Variants in MYO7B observed in about 807,000 individuals in gnomAD.
The protein encoded by MYO7B is myosin VIIB, also known as unconventional myosin-VIIb.
A neutral mutation model predicts 259.7 loss-of-function variants in MYO7B; 212 were observed. The ratio of observed to expected loss-of-function variants is 0.82; its 90% CI spans 0.73 to 0.91. The LOEUF is 0.91. Ranked by LOEUF, MYO7B falls within the 40% of genes least tolerant of loss-of-function variation. The pLI is 0.00. For missense variants in MYO7B, 2,732 were observed against 2,813.5 expected (o/e 0.97, Z 0.66); for synonymous variants, 1,197 against 1,166.4 (o/e 1.03, Z -0.54).
chr2:127,615,250 G>A lies in MYO7B; in HGVS notation c.3398+2647G>A, dbSNP rs543997222. Among the ~76,000 whole-genome samples, 3 of 152,330 alleles carry A rather than the reference G, an allele frequency of 2.0e-5. No individual in the cohort carries two copies. Among genetic ancestry groups the A allele is most frequent in the African/African-American group, 7.2e-5 (3 of 41,578 alleles). On this transcript the variant is annotated intron_variant, in intron 26 of 47. Coordinates refer to ENST00000409816, the MANE Select transcript of MYO7B (RefSeq NM_001393586.1). The surrounding 1 kb of genome is among the most constrained non-coding windows in gnomAD (Gnocchi z 4.4). Reference sequence around the variant, plus strand: ...GGGGTGTTTGCCAGACAGAGGGAAAGGGTAGACGGGTCACCCGTGACAGAC... The same window carrying A: ...GGGGTGTTTGCCAGACAGAGGGAAAAGGTAGACGGGTCACCCGTGACAGAC...
intron 5 of MYO7B, among the ~76,000 whole-genome samples, chr2:127,567,832 G>A (rs144489616): frequency 1.8e-3 from 270 of 152,284 alleles, no homozygotes; most frequent in African/African-American, 6.3e-3. Context: ...CAACAAATAA[G>A]TGCGTTTTTA....
intron 1 of MYO7B, among the ~76,000 whole-genome samples, chr2:127,556,432 A>T (rs748347938): frequency 6.6e-6 from 1 of 152,158 alleles, no homozygotes; most frequent in Non-Finnish European, 1.5e-5. Context: ...TCCATTCATT[A>T]TGCTATTTGT....
chr2:127,556,904 C>A (rs1558797219), intron 1 of MYO7B, among the ~76,000 whole-genome samples: 1 of 152,012 alleles, frequency 6.6e-6, no homozygotes, highest in Non-Finnish European at 1.5e-5. Context: ...CCCAGGTGTT[C>A]TTTCTTGTAT....
chr2:127,620,133 C>T (rs1680769854), intron 26 of MYO7B: 1 of 449,740 alleles, frequency 2.2e-6, no homozygotes, highest in Non-Finnish European at 3.8e-6. Flanking sequence ...ACCGAGAGCA[C>T]AGGCCATGGG....
intron 7 of MYO7B, among the ~76,000 whole-genome samples, chr2:127,574,943 C>A (rs1036656621): frequency 6.6e-6 from 1 of 152,184 alleles, no homozygotes; most frequent in Non-Finnish European, 1.5e-5. Flanking sequence ...AATTAATGCA[C>A]CTGTGTGTGT....
In MYO7B at chr2:127,631,369, C is replaced by T; in HGVS notation, c.5095+6C>T. On this transcript the variant is annotated splice_donor_region_variant and intron_variant, in intron 37 of 47. Coordinates refer to ENST00000409816, the MANE Select transcript of MYO7B (RefSeq NM_001393586.1). ...CGCCTGCCAGATCTTTGTCGATATCCTTCCCCACCAGCCTGCCTGCACCTC... is the reference window on the plus strand; with the variant it reads ...CGCCTGCCAGATCTTTGTCGATATCTTTCCCCACCAGCCTGCCTGCACCTC... 6.2e-7 allele frequency: 1 copy of T among 1,601,326 alleles called. No individual in the cohort carries two copies. The highest frequency in any genetic ancestry group is 8.5e-7 in the Non-Finnish European group (1 of 1,170,948).
Position 127,632,267 on chromosome 2 carries a change from G to C in MYO7B, c.5271G>C (p.Trp1757Cys), listed in dbSNP as rs929744981. ...NSNRHSEERG[W>C]QLLWLCTGLF... ...TCAGGCACAGCGAAGAGCGGGGCTGGCAGCTGCTGTGGCTGTGCACGGGCC... is the reference window on the plus strand; with the variant it reads ...TCAGGCACAGCGAAGAGCGGGGCTGCCAGCTGCTGTGGCTGTGCACGGGCC... The change falls in exon 39 of 48, where the codon TGG (tryptophan) becomes TGC (cysteine). Residue 1757 changes from tryptophan (W) to cysteine (C), a missense_variant. Trp to Cys is a radical substitution (Grantham distance 215). This residue lies in a region of MYO7B where 821 missense variants were observed against 769.3 expected (regional missense o/e 1.07). Transcript: ENST00000409816. 1.2e-5 allele frequency: 20 copies of C among 1,611,890 alleles called. No individual in the cohort carries two copies. The highest frequency in any genetic ancestry group is 2.2e-5 in the East Asian group (1 of 44,872).
intron 26 of MYO7B, among the ~76,000 whole-genome samples, chr2:127,617,497 T>TGG (rs1407080326): frequency 1.5e-5 from 2 of 129,676 alleles, no homozygotes; most frequent in African/African-American, 6.1e-5. Flanking sequence ...GTTTTTTTTT[T>TGG]TTTTTTTTTT....
At chr2:127,553,106 C>T (rs78918162) in intron 1 of MYO7B, among the ~76,000 whole-genome samples, 2,099 of 152,330 alleles carry the variant, frequency 0.014, 55 homozygotes, top group African/African-American at 0.048. Context: ...AAGTCACATC[C>T]TCTCCAAGGG....
Position 127,592,896 on chromosome 2 carries a change from G to A in MYO7B, c.2095G>A (p.Glu699Lys), listed in dbSNP as rs1679620606. 6.2e-7 allele frequency: 1 copy of A among 1,608,058 alleles called. No homozygotes were observed. Among genetic ancestry groups the A allele is most frequent in the African/African-American group, 1.3e-5 (1 of 74,832 alleles). ...SGFPIRYTFE[E>K]FSQRFGVLLP... ...CTTCCCCATCCGCTACACGTTCGAG[G>A]AGTTCTCGCAGAGGTTCGGCGTGTT... Residue 699 changes from glutamate (E) to lysine (K), a missense_variant, in exon 17 of 48, where the codon GAG (glutamate) becomes AAG (lysine). Glu to Lys is a moderately conservative substitution (Grantham distance 56). Coordinates refer to ENST00000409816, the MANE Select transcript of MYO7B (RefSeq NM_001393586.1).
At position 127,631,596 on chromosome 2, in the gene MYO7B, A is replaced by C; in HGVS notation, c.5096-4A>C. ...CCCAGCACTGTGCTCCTTGACAGCC[A>C]CACCCATCCTCCGGTACATGGGCGA... is the stretch of plus-strand genomic sequence containing the variant. On this transcript the variant is annotated splice_polypyrimidine_tract_variant and splice_region_variant and intron_variant, in intron 37 of 47. Transcript: ENST00000409816. The C allele has an allele frequency of 6.2e-7, 1 of 1,612,786 alleles. No homozygotes were observed. The highest frequency in any genetic ancestry group is 8.5e-7 in the Non-Finnish European group (1 of 1,179,692).
In MYO7B at chr2:127,628,133, G is replaced by A. The variant is rs1361868826; in HGVS notation, c.4461-239G>A. 1 of 663,936 alleles carries A rather than the reference G, an allele frequency of 1.5e-6. No homozygotes were observed. The highest frequency in any genetic ancestry group is 2.8e-6 in the Non-Finnish European group (1 of 361,552). 41.1% of individuals were successfully genotyped at this position (663,936 alleles called of 1,614,324 possible). A position where few individuals can be genotyped will look rare whatever the true frequency, so the allele number is the denominator to read the frequency against. On this transcript the variant is annotated intron_variant, in intron 33 of 47. Transcript: ENST00000409816. The surrounding 1 kb of genome is among the most constrained non-coding windows in gnomAD (Gnocchi z 4.8). Reference sequence around the variant, plus strand: ...CTGCACACCAGCCACCTCATTATCTGCCCACAGCCAACCCCACACATGGGC... The same window carrying A: ...CTGCACACCAGCCACCTCATTATCTACCCACAGCCAACCCCACACATGGGC...
intron 1 of MYO7B, among the ~76,000 whole-genome samples, chr2:127,541,057 A>T (rs556662147): frequency 6.6e-6 from 1 of 152,308 alleles, no homozygotes; most frequent in African/African-American, 2.4e-5. Context: ...GAATGACATC[A>T]TCTCCAGGCT....
intron 27 of MYO7B, 91 bp from the exon 28 acceptor site, chr2:127,621,887 CTGAG>C: frequency 6.6e-7 from 1 of 1,507,486 alleles, no homozygotes; most frequent in Non-Finnish European, 9.0e-7. Context: ...ACATTATACA[CTGAG>C]TATTATAATT....
In MYO7B at chr2:127,586,995, A is replaced by T. The variant is rs1679329396; in HGVS notation, c.1691-1397A>T. Among the ~76,000 whole-genome samples, 1 of 152,104 alleles carries T rather than the reference A, an allele frequency of 6.6e-6. No homozygotes were observed. Among genetic ancestry groups the T allele is most frequent in the Non-Finnish European group, 1.5e-5 (1 of 68,010 alleles). ...TGCTGCTCCCCTCACAGACACCTGC[A>T]GGAAGAGGTGGGAAACAGACTCCCT... On this transcript the variant is annotated intron_variant, in intron 14 of 47. Coordinates refer to ENST00000409816, the MANE Select transcript of MYO7B (RefSeq NM_001393586.1). The surrounding 1 kb of genome is among the most constrained non-coding windows in gnomAD (Gnocchi z 4.8).
Position 127,613,686 on chromosome 2 carries a change from G to A in MYO7B, c.3398+1083G>A, listed in dbSNP as rs1023989687. 3.9e-5 allele frequency among the ~76,000 whole-genome samples: 6 copies of A among 152,160 alleles called. No individual in the cohort carries two copies. Among genetic ancestry groups the A allele is most frequent in the South Asian group, 2.1e-4 (1 of 4,830 alleles). On this transcript the variant is annotated intron_variant, in intron 26 of 47. Coordinates refer to ENST00000409816, the MANE Select transcript of MYO7B (RefSeq NM_001393586.1). The surrounding 1 kb of genome is among the most constrained non-coding windows in gnomAD (Gnocchi z 4.3). Reference sequence around the variant, plus strand: ...GTATCCTGGACATTGAGGATGATACGTTAGAGACTCTGGATTCTGTTATAC... The same window carrying A: ...GTATCCTGGACATTGAGGATGATACATTAGAGACTCTGGATTCTGTTATAC...
At position 127,590,110 on chromosome 2, in the gene MYO7B, C is replaced by T. The variant is rs763019482; in HGVS notation, c.1873C>T (p.Arg625Trp). The T allele has an allele frequency of 4.2e-5, 66 of 1,589,370 alleles. No individual in the cohort carries two copies. Among genetic ancestry groups the T allele is most frequent in the South Asian group, 2.9e-4 (25 of 86,998 alleles). ...HLFKSADSNK[R>W]PSTLGSQFKQ... ...TTCACAGTCTGCAGACTCAAATAAA[C>T]GGCCCTCCACCTTAGGAAGCCAGTT... is the stretch of plus-strand genomic sequence containing the variant. Residue 625 changes from arginine to tryptophan, a missense_variant, in exon 16 of 48, where the codon CGG (arginine) becomes TGG (tryptophan). Physicochemically the swap from Arg to Trp is moderately radical, Grantham distance 101. Around this residue, in one of 3 missense-constraint regions of MYO7B, gnomAD observed 1,906 missense variants for 2,026.4 expected, o/e 0.94. Transcript: ENST00000409816. The surrounding 1 kb of genome is among the most constrained non-coding windows in gnomAD (Gnocchi z 4.6).
At position 127,535,973 on chromosome 2, in the gene MYO7B, C is replaced by G. The variant is rs75466455; in HGVS notation, c.-24+142C>G. ...AGAGAGTGGAGAAGCCCTTCAGGAG[C>G]CTGGAAACCAGAAACCGCAGCAGGG... On this transcript the variant is annotated intron_variant, in intron 1 of 47. Coordinates refer to ENST00000409816, the MANE Select transcript of MYO7B (RefSeq NM_001393586.1). The surrounding 1 kb of genome is among the most constrained non-coding windows in gnomAD (Gnocchi z 4.8). The G allele has an allele frequency of 0.023, 3,518 of 152,822 alleles. 131 individuals are homozygous for G. Among genetic ancestry groups the G allele is most frequent in the African/African-American group, 0.08 (3,316 of 41,506 alleles). 9.5% of individuals were successfully genotyped at this position (152,822 alleles called of 1,614,324 possible).
chr2:127,632,445 C>T, intron 39 of MYO7B, 44 bp downstream of exon 39: 1 of 1,498,282 alleles, frequency 6.7e-7, no homozygotes, highest in South Asian at 1.4e-5. Context: ...CCTGGGCCCG[C>T]AGACCTGGGA....
Sources: gnomAD v4.1 joint callset for allele counts (sites outside exome capture counted in the v4.1 genomes callset) on GRCh38, gnomAD v4.1.1 for gene constraint, gnomAD v4.1.1 regional missense constraint, Gnocchi (gnomAD v3.1) non-coding constraint, MANE v1.5 for transcripts, NCBI Gene and HGNC (gene_info 2026-07-23, HGNC 2026-07-21) for gene names.